The following SLIT2 variants were observed in gnomAD, a reference collection of about 807,000 sequenced individuals.
SLIT2 encodes the protein slit homolog 2 protein.
Under a neutral mutation model 185.7 loss-of-function variants are expected in SLIT2, and 41 were observed. That is an observed-to-expected ratio of 0.22 (90% CI 0.17 to 0.29). SLIT2 has a LOEUF of 0.29. Ranked by LOEUF, SLIT2 falls within the 10% of genes least tolerant of loss-of-function variation. SLIT2 has a pLI of 1.00. For synonymous variants in SLIT2, 693 were observed against 680.2 expected (o/e 1.02, Z -0.29); for missense variants, 1,571 against 1,909.0 (o/e 0.82, Z 3.30).
At chr4:20,522,775 C>G (rs1720947251) in intron 12 of SLIT2, among the ~76,000 whole-genome samples, 1 of 152,078 alleles carries the variant, frequency 6.6e-6, no homozygotes, top group East Asian at 1.9e-4. Context: ...TACCATGTGA[C>G]TCTCCAAGAG....
chr4:20,260,543 A>G (rs1395974689), intron 3 of SLIT2, among the ~76,000 whole-genome samples: 3 of 151,798 alleles, frequency 2.0e-5, no homozygotes, highest in Non-Finnish European at 4.4e-5. Flanking sequence ...AATAATTCTA[A>G]ATTACATTTT....
intron 8 of SLIT2, among the ~76,000 whole-genome samples, chr4:20,489,339 C>T (rs967617439): frequency 1.3e-5 from 2 of 152,090 alleles, no homozygotes; most frequent in African/African-American, 4.8e-5. Context: ...ATTAGCTAAT[C>T]CTGGATCCCT....
At chr4:20,535,516 G>A (rs573344138) in intron 18 of SLIT2, among the ~76,000 whole-genome samples, 9 of 152,100 alleles carry the variant, frequency 5.9e-5, no homozygotes, top group South Asian at 2.1e-4. Flanking sequence ...GGAGGAAGGC[G>A]GTAGGCTGTA....
chr4:20,383,324 T>C (rs1271245242), intron 4 of SLIT2, among the ~76,000 whole-genome samples: 1 of 152,112 alleles, frequency 6.6e-6, no homozygotes, highest in Non-Finnish European at 1.5e-5. Flanking sequence ...AAAATACATA[T>C]CTGATAAAGG....
chr4:20,264,710 TTC>T (rs1157320106), intron 3 of SLIT2, among the ~76,000 whole-genome samples: 1 of 151,900 alleles, frequency 6.6e-6, no homozygotes, highest in African/African-American at 2.4e-5. Flanking sequence ...AGAAAGATCA[TTC>T]TCTCTTCTGA....
intron 7 of SLIT2, 61 bp from the exon 8 acceptor site, chr4:20,488,748 AATACAGGTAT>A: frequency 1.8e-6 from 2 of 1,094,508 alleles, no homozygotes; most frequent in Non-Finnish European, 2.6e-6. Flanking sequence ...TATGTTAAGA[AATACAGGTAT>A]ATATTAATGA....
At chr4:20,416,892 G>T (rs1462626633) in intron 4 of SLIT2, among the ~76,000 whole-genome samples, 14 of 151,696 alleles carry the variant, frequency 9.2e-5, no homozygotes. Context: ...AAGTGTATCT[G>T]ACTTGCCTTC....
At chr4:20,349,724 G>T (rs555981986) in intron 4 of SLIT2, among the ~76,000 whole-genome samples, 1 of 152,244 alleles carries the variant, frequency 6.6e-6, no homozygotes, top group African/African-American at 2.4e-5. Flanking sequence ...TTTCTTATTA[G>T]ACATCTTTGT....
At chr4:20,355,517 A>T (rs1188387961) in intron 4 of SLIT2, among the ~76,000 whole-genome samples, 2 of 152,224 alleles carry the variant, frequency 1.3e-5, no homozygotes, top group African/African-American at 4.8e-5. Flanking sequence ...TATTCAGGAC[A>T]GATGAGATTT....
At chr4:20,607,542 A>G (rs927389196) in intron 33 of SLIT2, among the ~76,000 whole-genome samples, 5 of 152,212 alleles carry the variant, frequency 3.3e-5, no homozygotes, top group African/African-American at 1.2e-4. Flanking sequence ...AAAGGAACAG[A>G]GGAGGGAATA....
At chr4:20,290,853 C>T (rs1229810077) in intron 4 of SLIT2, among the ~76,000 whole-genome samples, 3 of 150,888 alleles carry the variant, frequency 2.0e-5, no homozygotes, top group African/African-American at 7.3e-5. Context: ...TCGTAATAAC[C>T]TATATATCAG....
chr4:20,513,524 T>C (rs886107262), intron 11 of SLIT2, among the ~76,000 whole-genome samples: 1 of 152,204 alleles, frequency 6.6e-6, no homozygotes, highest in Admixed American at 6.5e-5. Flanking sequence ...AAGAAATGTA[T>C]TGGGCCCGAT....
In SLIT2 at chr4:20,590,580, G is replaced by A. The variant is rs188015667; in HGVS notation, c.3182+843G>A. ...CTTCCAACTTAAATATTTTTTGCAT[G>A]GGGTGACAAAGCATTATAATCCCGC... On this transcript the variant is annotated intron_variant, in intron 30 of 36. Transcript: ENST00000504154. Among the ~76,000 whole-genome samples, 298 of 152,230 alleles carry A rather than the reference G, an allele frequency of 2.0e-3. 2 individuals carry two copies. Among genetic ancestry groups the A allele is most frequent in the African/African-American group, 6.7e-3 (279 of 41,538 alleles).
chr4:20,296,664 C>T (rs961522339), intron 4 of SLIT2, among the ~76,000 whole-genome samples: 2 of 152,120 alleles, frequency 1.3e-5, no homozygotes, highest in African/African-American at 4.8e-5. Context: ...AGTATTGTGC[C>T]TTAGTTGACT....
At chr4:20,340,046 T>G (rs1720834204) in intron 4 of SLIT2, among the ~76,000 whole-genome samples, 1 of 152,182 alleles carries the variant, frequency 6.6e-6, no homozygotes. Flanking sequence ...TCCAAAACTT[T>G]CTTTTCTCCT....
intron 29 of SLIT2, among the ~76,000 whole-genome samples, chr4:20,578,359 G>T (rs1198001813): frequency 5.9e-5 from 9 of 152,060 alleles, no homozygotes; most frequent in Non-Finnish European, 1.3e-4. Context: ...CCCTTGCTGA[G>T]TTAATTCAAA....
chr4:20,612,327 GA>G (rs900100969), intron 34 of SLIT2, among the ~76,000 whole-genome samples: 5 of 148,068 alleles, frequency 3.4e-5, no homozygotes, highest in South Asian at 2.1e-4. Context: ...AAAAAAAGAG[GA>G]AAAAAAGTTT....
intron 22 of SLIT2, among the ~76,000 whole-genome samples, chr4:20,546,423 A>G (rs1723257875): frequency 6.6e-6 from 1 of 152,152 alleles, no homozygotes; most frequent in Admixed American, 6.6e-5. Flanking sequence ...CAAACTAAGG[A>G]AGGAAAGATA....
At position 20,528,334 on chromosome 4, in the gene SLIT2, A is replaced by G. The variant is rs1466105053; in HGVS notation, c.1463-615A>G. 1 of 534,668 alleles carries G rather than the reference A, an allele frequency of 1.9e-6. No individual in the cohort carries two copies. Among genetic ancestry groups the G allele is most frequent in the South Asian group, 1.4e-5 (1 of 71,574 alleles). 33.1% of individuals were successfully genotyped at this position (534,668 alleles called of 1,614,324 possible). ...TCTAACCATGTGGTTGCGAGGTATG[A>G]GTAAAACATGGTTCCGTCAAGCACC... On this transcript the variant is annotated intron_variant, in intron 15 of 36. Coordinates refer to ENST00000504154, the MANE Select transcript of SLIT2 (RefSeq NM_004787.4). This position sits in a 1 kb window ranked among gnomAD's most constrained non-coding sequence, Gnocchi z 4.2.
Sources: allele counts gnomAD v4.1 joint callset (sites outside exome capture counted in the v4.1 genomes callset), GRCh38; gene constraint gnomAD v4.1.1; non-coding constraint Gnocchi (gnomAD v3.1); transcripts MANE v1.5; gene names NCBI Gene and HGNC (gene_info 2026-07-23, HGNC 2026-07-21).